The following OPRM1 variants were observed in gnomAD, a reference collection of about 807,000 sequenced individuals.
The protein encoded by OPRM1 is mu-type opioid receptor.
Under a neutral mutation model 31.8 loss-of-function variants are expected in OPRM1, and 27 were observed. That is an observed-to-expected ratio of 0.85 (90% CI 0.63 to 1.17). The LOEUF (loss-of-function observed/expected upper bound fraction) is 1.17, where lower values mean the gene tolerates loss of function less well. OPRM1 is among the 50% of genes most tolerant of loss of function. The pLI is 0.00. For synonymous variants in OPRM1, 196 were observed against 189.9 expected, an observed-to-expected ratio of 1.03 and a Z score of -0.26; for missense variants, 536 against 511.1, an observed-to-expected ratio of 1.05 and a Z score of -0.47.
intron 3 of OPRM1, among the ~76,000 whole-genome samples, chr6:154,194,655 C>A (rs900885849): frequency 6.6e-6 from 1 of 152,092 alleles, no homozygotes; most frequent in African/African-American, 2.4e-5. Context: ...ACTCCTAACT[C>A]CTAGCTTCAG....
At chr6:154,200,175 A>G (rs1776948733) in intron 3 of OPRM1, 5 of 766,124 alleles carry the variant, frequency 6.5e-6, no homozygotes, top group Non-Finnish European at 1.0e-5. Context: ...GTCAAAAGGT[A>G]AAGATATGAT....
intron 1 of OPRM1, among the ~76,000 whole-genome samples, chr6:154,066,445 T>C (rs182909920): frequency 1.8e-4 from 27 of 152,256 alleles, no homozygotes; most frequent in African/African-American, 6.5e-4. Context: ...CTCAATCTCC[T>C]ATTATTGATA....
chr6:154,199,592 T>C, intron 3 of OPRM1: 2 of 1,415,288 alleles, frequency 1.4e-6, no homozygotes. Flanking sequence ...CCATTCTTGT[T>C]ACAAATTAAT....
chr6:154,159,672 CG>C, intron 3 of OPRM1: 2 of 644,230 alleles, frequency 3.1e-6, no homozygotes, highest in South Asian at 3.7e-5. Context: ...CTGGTGTATT[CG>C]GTGATTATCT....
chr6:154,198,714 T>C (rs1028710779), intron 3 of OPRM1, among the ~76,000 whole-genome samples: 1 of 151,518 alleles, frequency 6.6e-6, no homozygotes, highest in African/African-American at 2.4e-5. Context: ...ATACCAAAAA[T>C]TAAATTAGCA....
chr6:154,218,159 T>C lies in OPRM1; in HGVS notation c.1165-28534T>C, dbSNP rs537417367. On this transcript the variant is annotated intron_variant, in intron 3 of 3. Transcript: ENST00000337049. ...GTAGATGGATGCACTAAAGGACTTA[T>C]ATTTACATAAAAGAAAATGACAGAT... is the stretch of plus-strand genomic sequence containing the variant. 1.8e-3 allele frequency among the ~76,000 whole-genome samples: 275 copies of C among 152,368 alleles called. 2 individuals carry two copies. Among genetic ancestry groups the C allele is most frequent in the African/African-American group, 6.2e-3 (259 of 41,592 alleles).
At chr6:154,221,484 A>G (rs538408539) in intron 3 of OPRM1, among the ~76,000 whole-genome samples, 2 of 152,238 alleles carry the variant, frequency 1.3e-5, no homozygotes, top group Non-Finnish European at 2.9e-5. Context: ...CCTATTGTCT[A>G]GTCTCTGTTT....
chr6:154,190,660 T>G (rs1801793610), intron 3 of OPRM1, among the ~76,000 whole-genome samples: 1 of 152,180 alleles, frequency 6.6e-6, no homozygotes, highest in South Asian at 2.1e-4. Flanking sequence ...CTCATTGCTA[T>G]TTACCCCAAA....
chr6:154,173,057 C>T (rs143756064), intron 3 of OPRM1, among the ~76,000 whole-genome samples: 10 of 152,250 alleles, frequency 6.6e-5, no homozygotes, highest in Admixed American at 6.5e-4. Context: ...CAAACTCCAA[C>T]AGACGTGCAG....
At chr6:154,086,880 T>C in intron 1 of OPRM1, 2 of 984,136 alleles carry the variant, frequency 2.0e-6, no homozygotes, top group Non-Finnish European at 2.4e-6. Context: ...AAACTTCTTC[T>C]TATTAAAAAA....
At chr6:154,024,442 A>G (rs1583138351) in intron 1 of OPRM1, among the ~76,000 whole-genome samples, 1 of 151,466 alleles carries the variant, frequency 6.6e-6, no homozygotes, top group East Asian at 1.9e-4. Flanking sequence ...TTTCTTAGTT[A>G]GTCTGGCTAA....
chr6:154,218,381 T>C (rs543011520), intron 3 of OPRM1, among the ~76,000 whole-genome samples: 4 of 152,302 alleles, frequency 2.6e-5, no homozygotes, highest in African/African-American at 7.2e-5. Flanking sequence ...TGAGACTCAC[T>C]ACAGAACATG....
At chr6:154,139,685 G>A (rs1798148164) in intron 3 of OPRM1, among the ~76,000 whole-genome samples, 1 of 152,104 alleles carries the variant, frequency 6.6e-6, no homozygotes, top group Admixed American at 6.6e-5. Flanking sequence ...CTAACACACA[G>A]CCATCAGTCA....
intron 1 of OPRM1, among the ~76,000 whole-genome samples, chr6:154,056,369 G>A (rs572102620): frequency 2.0e-5 from 3 of 151,876 alleles, no homozygotes; most frequent in East Asian, 2.0e-4. Flanking sequence ...TAATCCGCCC[G>A]CCTCAGCCTC....
chr6:154,060,088 A>G (rs1784090717), intron 1 of OPRM1, among the ~76,000 whole-genome samples: 1 of 152,214 alleles, frequency 6.6e-6, no homozygotes, highest in Non-Finnish European at 1.5e-5. Flanking sequence ...AATTGAATCT[A>G]GAAGAGGAAT....
chr6:154,034,864 T>C (rs1479740321), upstream of OPRM1, among the ~76,000 whole-genome samples: 3 of 152,208 alleles, frequency 2.0e-5, no homozygotes, highest in African/African-American at 7.2e-5. Context: ...TCATTTAAAC[T>C]AGTTGTTTTT....
At chr6:154,224,088 C>G (rs1370330518) in intron 3 of OPRM1, among the ~76,000 whole-genome samples, 1 of 151,830 alleles carries the variant, frequency 6.6e-6, no homozygotes, top group Non-Finnish European at 1.5e-5. Flanking sequence ...AATCTTCTTT[C>G]ATCTACACTG....
At chr6:154,207,387 T>A (rs1226636046) in intron 3 of OPRM1, among the ~76,000 whole-genome samples, 3 of 152,242 alleles carry the variant, frequency 2.0e-5, no homozygotes, top group Admixed American at 6.5e-5. Flanking sequence ...GTATATATAG[T>A]CACTGAGAAT....
intron 3 of OPRM1, among the ~76,000 whole-genome samples, chr6:154,218,581 A>C (rs1778602775): frequency 6.6e-6 from 1 of 152,214 alleles, no homozygotes; most frequent in Admixed American, 6.5e-5. Flanking sequence ...TCCTGGCTTA[A>C]ACCGGCTGCA....
Sources: gnomAD v4.1 joint callset for allele counts (sites outside exome capture counted in the v4.1 genomes callset) on GRCh38, gnomAD v4.1.1 for gene constraint, MANE v1.5 for transcripts, NCBI Gene and HGNC (gene_info 2026-07-23, HGNC 2026-07-21) for gene names.